TBX6: variants seen among roughly 807,000 people sequenced by gnomAD.
The protein encoded by TBX6 is T-box transcription factor TBX6.
TBX6 carries 29 observed loss-of-function variants against 42.3 expected under a neutral mutation model. The ratio of observed to expected loss-of-function variants is 0.69; its 90% CI spans 0.51 to 0.93. TBX6 has a LOEUF of 0.93. Ranked by LOEUF, TBX6 falls within the 40% of genes least tolerant of loss-of-function variation. The probability of loss-of-function intolerance (pLI) is 0.00; values close to 1 mark genes in which losing one functional copy is unlikely to be tolerated. For synonymous variants in TBX6, 249 were observed against 245.1 expected (o/e 1.02, Z -0.15); for missense variants, 569 against 603.3 (o/e 0.94, Z 0.59).
Position 30,090,382 on chromosome 16 carries a change from C to A in TBX6, c.353+376G>T, listed in dbSNP as rs560224591. 2.6e-5 allele frequency among the ~76,000 whole-genome samples: 4 copies of A among 152,256 alleles called. No homozygotes were observed. In the South Asian group the frequency reaches 8.3e-4, roughly 32 times the overall value. ...TTCGAGTTGCATACTGATCCCGAAT[C>A]CTGGCCAGATTTCCCTGATGCTGGT... On this transcript the variant is annotated intron_variant, in intron 3 of 8. Coordinates refer to ENST00000395224, the MANE Select transcript of TBX6 (RefSeq NM_004608.4).
At chr16:30,089,755 C>T (rs1238356558) in intron 3 of TBX6, among the ~76,000 whole-genome samples, 2 of 152,012 alleles carry the variant, frequency 1.3e-5, no homozygotes, top group Non-Finnish European at 1.5e-5. Flanking sequence ...TATGGTGAAA[C>T]ACCGTCTCTA....
Position 30,090,872 on chromosome 16 carries a change from G to A in TBX6, c.239C>T (p.Ser80Leu). 1 of 1,608,030 alleles carries A rather than the reference G, an allele frequency of 6.2e-7. No homozygotes were observed. The highest frequency in any genetic ancestry group is 8.5e-7 in the Non-Finnish European group (1 of 1,176,420). ...GAGGGAATGGAGGGCCTCTGGAGCT[G>A]ATGGGGCCGGCTCAGTGCCCATGGC... ...PPAMGTEPAP[S>L]APEALHSLPG... Residue 80 changes from serine (S) to leucine (L), a missense_variant, in exon 3 of 9, where the codon TCA (serine) becomes TTA (leucine). Ser to Leu is a moderately radical substitution (Grantham distance 145). Coordinates refer to ENST00000395224, the MANE Select transcript of TBX6 (RefSeq NM_004608.4).
rs777819168 is a variant in TBX6 at position 30,090,840 on chromosome 16, C to A, written c.271G>T (p.Val91Phe). Residue 91 changes from valine to phenylalanine, a missense_variant, in exon 3 of 9, where the codon GTC becomes TTC. Coordinates refer to ENST00000395224, the MANE Select transcript of TBX6 (RefSeq NM_004608.4). ...APEALHSLPG[V>F]SLSLENRELW... ...TCCCGGTTCTCCAGGCTCAGGCTGACCCCCGGGAGGGAATGGAGGGCCTCT... is the reference window on the plus strand; with the variant it reads ...TCCCGGTTCTCCAGGCTCAGGCTGAACCCCGGGAGGGAATGGAGGGCCTCT... 1.9e-6 allele frequency: 3 copies of A among 1,603,928 alleles called. No individual in the cohort carries two copies. The highest frequency in any genetic ancestry group is 2.2e-5 in the South Asian group (2 of 89,894).
At position 30,088,889 on chromosome 16, in the gene TBX6, G is replaced by C; in HGVS notation, c.622-50C>G. 1 of 1,605,262 alleles carries C rather than the reference G, an allele frequency of 6.2e-7. No individual in the cohort carries two copies. Among genetic ancestry groups the C allele is most frequent in the South Asian group, 1.1e-5 (1 of 90,528 alleles). On this transcript the variant is annotated intron_variant, in intron 4 of 8. Transcript: ENST00000395224. The surrounding 1 kb of genome is among the most constrained non-coding windows in gnomAD (Gnocchi z 4.1). Reference sequence around the variant, plus strand: ...TTCCCTGCCCTGCGCCTCACCCTTGGCCTCCCTTCCAGCACCCCCCAACCC... The same window carrying C: ...TTCCCTGCCCTGCGCCTCACCCTTGCCCTCCCTTCCAGCACCCCCCAACCC...
chr16:30,090,722 C>A (rs954032270), intron 3 of TBX6, 36 bp downstream of exon 3: 2 of 1,594,414 alleles, frequency 1.3e-6, no homozygotes, highest in Non-Finnish European at 1.7e-6. Flanking sequence ...CCCAAGAGAC[C>A]CCCACCAGAA....
In TBX6 at chr16:30,086,885, G is replaced by A. The variant is rs1210351900; in HGVS notation, c.840-34C>T. On this transcript the variant is annotated intron_variant, in intron 6 of 8. Coordinates refer to ENST00000395224, the MANE Select transcript of TBX6 (RefSeq NM_004608.4). This position sits in a 1 kb window ranked among gnomAD's most constrained non-coding sequence, Gnocchi z 4.6. The stretch of plus-strand genomic sequence containing the variant: ...CAGTGGTGGTGATGATGATGATGAT[G>A]GTGATGGCCATGGTGATGGTAACAG... 3.1e-6 allele frequency: 5 copies of A among 1,600,202 alleles called. No homozygotes were observed. In the South Asian group the frequency reaches 4.5e-5, roughly 14 times the overall value.
Position 30,091,098 on chromosome 16 carries a change from T to A in TBX6, c.96A>T (p.Leu32=), listed in dbSNP as rs765821098. The A allele has an allele frequency of 6.3e-7, 1 of 1,584,820 alleles. No homozygotes were observed. The highest frequency in any genetic ancestry group is 8.6e-7 in the Non-Finnish European group (1 of 1,166,316). ...CACCGGGGTAGCGGTAGCCCTCCGC[T>A]AGGGCGGGTGGGAAGCTGGAGTCGG... ...PGADSSFPPA[L]AEGYRYPELD... is the part of the protein sequence containing the mutation. The change falls in exon 2 of 9, where the codon CTA becomes CTT. Residue 32 remains leucine, a synonymous_variant. Transcript: ENST00000395224.
At position 30,086,476 on chromosome 16, in the gene TBX6, GA is replaced by G; in HGVS notation, c.1097+35del. The stretch of plus-strand genomic sequence containing the variant: ...GAGGGATGTCAGAGCAGGGCAGAGG[GA>G]CCCGCAGCCCCGCCTGGTCCCCTGT... On this transcript the variant is annotated intron_variant, in intron 8 of 8. Coordinates refer to ENST00000395224, the MANE Select transcript of TBX6 (RefSeq NM_004608.4). This position sits in a 1 kb window ranked among gnomAD's most constrained non-coding sequence, Gnocchi z 4.6. The G allele has an allele frequency of 2.7e-6, 4 of 1,486,372 alleles. No homozygotes were observed. Among genetic ancestry groups the G allele is most frequent in the Non-Finnish European group, 3.6e-6 (4 of 1,121,862 alleles). The allele number at this position is 1,486,372 out of a possible 1,614,324, so 92.1% of individuals were successfully genotyped here.
chr16:30,091,146 G>A lies in TBX6; in HGVS notation c.48C>T (p.Arg16=), dbSNP rs574861172. The A allele has an allele frequency of 1.9e-6, 3 of 1,594,600 alleles. No homozygotes were observed. In the East Asian group the frequency reaches 6.8e-5, roughly 36 times the overall value. The change falls in exon 2 of 9, where the codon CGC becomes CGT. Residue 16 remains arginine, a synonymous_variant. Coordinates refer to ENST00000395224, the MANE Select transcript of TBX6 (RefSeq NM_004608.4). ...ELYPSLGAGY[R]LGPAQPGADS... is the part of the protein sequence containing the mutation. ...CGGCCCCAGGTTGGGCGGGCCCCAG[G>A]CGGTAGCCGGCCCCCAGGGACGGGT...
chr16:30,091,243 T>G lies in TBX6; in HGVS notation c.-48-2A>C. The G allele has an allele frequency of 7.2e-7, 1 of 1,392,990 alleles. No homozygotes were observed. The allele number at this position is 1,392,990 out of a possible 1,614,324, so 86.3% of individuals were successfully genotyped here. ...TCTCGCTGCTTAGGGCCCCCGGTGC[T>G]GCGAGATGCCCCCTTTATAGCTCAC... On this transcript the variant is annotated splice_acceptor_variant, in intron 1 of 8. Coordinates refer to ENST00000395224, the MANE Select transcript of TBX6 (RefSeq NM_004608.4). LOFTEE classifies it low-confidence loss of function (5UTR_SPLICE).
intron 6 of TBX6, among the ~76,000 whole-genome samples, chr16:30,087,094 G>A (rs1454404075): frequency 6.6e-6 from 1 of 152,140 alleles, no homozygotes; most frequent in African/African-American, 2.4e-5. Flanking sequence ...AGTATCAGTG[G>A]AAACTCCTTC....
At position 30,086,860 on chromosome 16, in the gene TBX6, CAG is replaced by C. The variant is rs1567340403; in HGVS notation, c.840-11_840-10del. ...CACGGGCGTCTCGCTCCCTGGGGAACAGTGGTGGTGATGATGATGATGATGGT... is the reference window on the plus strand; with the variant it reads ...CACGGGCGTCTCGCTCCCTGGGGAACTGGTGGTGATGATGATGATGATGGT... On this transcript the variant is annotated splice_polypyrimidine_tract_variant and intron_variant, in intron 6 of 8. Transcript: ENST00000395224. The surrounding 1 kb of genome is among the most constrained non-coding windows in gnomAD (Gnocchi z 4.6). The C allele has an allele frequency of 2.5e-6, 4 of 1,595,452 alleles. No individual in the cohort carries two copies. Among genetic ancestry groups the C allele is most frequent in the South Asian group, 1.1e-5 (1 of 89,706 alleles).
At chr16:30,089,382 C>A (rs935789966) in intron 3 of TBX6, among the ~76,000 whole-genome samples, 172 bp from the exon 4 acceptor site, 2 of 152,200 alleles carry the variant, frequency 1.3e-5, no homozygotes, top group African/African-American at 4.8e-5. Context: ...CACCTCTAAT[C>A]CCTATACTTT....
In TBX6 at chr16:30,085,960, G is replaced by C; in HGVS notation, c.*265C>G. ...GGGATGCTGGTCTGTGGCCCCATTTGGCCAGGCAGAGCCCCTTCCATTCAC... is the reference window on the plus strand; with the variant it reads ...GGGATGCTGGTCTGTGGCCCCATTTCGCCAGGCAGAGCCCCTTCCATTCAC... On this transcript the variant is annotated 3_prime_UTR_variant, in exon 9 of 9. Transcript: ENST00000395224. The C allele has an allele frequency of 2.1e-6, 1 of 479,176 alleles. No individual in the cohort carries two copies. Among genetic ancestry groups the C allele is most frequent in the South Asian group, 2.5e-5 (1 of 39,672 alleles). 29.7% of individuals were successfully genotyped at this position (479,176 alleles called of 1,614,324 possible). A position where few individuals can be genotyped will look rare whatever the true frequency, so the allele number is the denominator to read the frequency against.
At chr16:30,091,042 A>G in intron 2 of TBX6, 34 bp downstream of exon 2, 1 of 1,592,582 alleles carries the variant, frequency 6.3e-7, no homozygotes, top group Non-Finnish European at 8.5e-7. Flanking sequence ...CAGCCCCCCT[A>G]TTCTCCTACC....
At chr16:30,087,341 C>G (rs1417582871) in intron 6 of TBX6, among the ~76,000 whole-genome samples, 1 of 152,198 alleles carries the variant, frequency 6.6e-6, no homozygotes, top group Non-Finnish European at 1.5e-5. Flanking sequence ...AGTGATCTTT[C>G]CATCTCAGCC....
At chr16:30,090,674 C>T in intron 3 of TBX6, 84 bp downstream of exon 3, 1 of 1,386,922 alleles carries the variant, frequency 7.2e-7, no homozygotes, top group Non-Finnish European at 9.7e-7. Flanking sequence ...CCTCGGGAAC[C>T]ACCCAGTCCT....
intron 1 of TBX6, chr16:30,091,500 C>T: frequency 3.6e-6 from 1 of 279,004 alleles, no homozygotes; most frequent in South Asian, 6.3e-5. Flanking sequence ...AGGGCTCGGA[C>T]AGGGACGCAG....
Position 30,088,551 on chromosome 16 carries a change from C to G in TBX6, c.833G>C (p.Cys278Ser), listed in dbSNP as rs535872853. 7 of 1,614,122 alleles carry G rather than the reference C, an allele frequency of 4.3e-6. No individual in the cohort carries two copies. The highest frequency in any genetic ancestry group is 1.1e-5 in the South Asian group (1 of 91,090). Reference protein sequence around the residue: ...AKGFRENGRNCKRERDARVKR... With the variant: ...AKGFRENGRNSKRERDARVKR... ...ATGAATGAACAACTCCCACCTCTTA[C>G]AGTTTCTGCCGTTCTCCCGGAAGCC... The change falls in exon 6 of 9, where the codon TGT becomes TCT. Residue 278 changes from cysteine (C) to serine (S), a missense_variant. This residue lies in a region of TBX6 where 245 missense variants were observed against 227.4 expected (regional missense o/e 1.08). Coordinates refer to ENST00000395224, the MANE Select transcript of TBX6 (RefSeq NM_004608.4). The surrounding 1 kb of genome is among the most constrained non-coding windows in gnomAD (Gnocchi z 4.1).
Sources: gnomAD v4.1 joint callset for allele counts (sites outside exome capture counted in the v4.1 genomes callset) on GRCh38, gnomAD v4.1.1 for gene constraint, gnomAD v4.1.1 regional missense constraint, Gnocchi (gnomAD v3.1) non-coding constraint, MANE v1.5 for transcripts, NCBI Gene and HGNC (gene_info 2026-07-23, HGNC 2026-07-21) for gene names.